PXDNL: variants seen among roughly 807,000 people sequenced by gnomAD.
PXDNL encodes the protein probable oxidoreductase PXDNL.
In PXDNL, 145 loss-of-function variants were observed where a neutral mutation model predicts 150.8. The observed-to-expected ratio is 0.96, with a 90% CI of 0.84 to 1.10. PXDNL has a LOEUF of 1.10. Among genes scored for constraint, PXDNL ranks in the 50% least tolerant of loss-of-function variants. The pLI is 0.00. For synonymous variants in PXDNL, 757 were observed against 725.7 expected, an observed-to-expected ratio of 1.04 and a Z score of -0.69; for missense variants, 2,087 against 1,873.9, an observed-to-expected ratio of 1.11 and a Z score of -2.10.
chr8:51,481,855 T>G (rs1698293518), intron 6 of PXDNL, among the ~76,000 whole-genome samples: 1 of 152,162 alleles, frequency 6.6e-6, no homozygotes, highest in Non-Finnish European at 1.5e-5. Flanking sequence ...TTTTACAGAA[T>G]GTATAGAAAT....
chr8:51,760,044 T>C (rs545066522), intron 1 of PXDNL, among the ~76,000 whole-genome samples: 6 of 152,314 alleles, frequency 3.9e-5, no homozygotes, highest in Admixed American at 3.3e-4. Flanking sequence ...CCCTAATAAT[T>C]AGCTCAGAAC....
chr8:51,451,612 T>C (rs1809809686), intron 10 of PXDNL, among the ~76,000 whole-genome samples: 1 of 152,230 alleles, frequency 6.6e-6, no homozygotes, highest in Admixed American at 6.5e-5. Context: ...TACCTATATG[T>C]CCACACTGTG....
intron 3 of PXDNL, among the ~76,000 whole-genome samples, chr8:51,573,564 C>T (rs563528714): frequency 2.0e-5 from 3 of 152,028 alleles, no homozygotes; most frequent in South Asian, 2.1e-4. Flanking sequence ...GTGGAGAGCC[C>T]GCACTCCCAA....
intron 5 of PXDNL, among the ~76,000 whole-genome samples, chr8:51,495,435 C>A (rs1465609510): frequency 2.0e-5 from 3 of 151,942 alleles, no homozygotes; most frequent in South Asian, 2.1e-4. Context: ...AAGATCAGAG[C>A]AGAATTGAAG....
At chr8:51,485,226 A>G (rs1810702231) in intron 5 of PXDNL, among the ~76,000 whole-genome samples, 3 of 152,152 alleles carry the variant, frequency 2.0e-5, no homozygotes, top group Non-Finnish European at 4.4e-5. Flanking sequence ...AATTTCACTG[A>G]TGCACATCTG....
intron 22 of PXDNL, 69 bp downstream of exon 22, chr8:51,320,715 T>TA (rs1805288996): frequency 1.8e-6 from 2 of 1,109,008 alleles, no homozygotes; most frequent in Admixed American, 3.9e-5. Flanking sequence ...TTTGAATTTT[T>TA]CAAGTATGCT....
rs202047093 is a variant in PXDNL, at chr8:51,551,106, G to T, written c.380+5734C>A. 3.4e-5 allele frequency among the ~76,000 whole-genome samples: 5 copies of T among 147,138 alleles called. No homozygotes were observed. The East Asian group carries it at 7.7e-4, about 23-fold the overall frequency. Reference sequence around the variant, plus strand: ...ACAAACAAACAAACAAAAACCTTACGAATATACCTAACCAAAGAGGTAAAA... The same window carrying T: ...ACAAACAAACAAACAAAAACCTTACTAATATACCTAACCAAAGAGGTAAAA... On this transcript the variant is annotated intron_variant, in intron 4 of 22. Coordinates refer to ENST00000356297, the MANE Select transcript of PXDNL (RefSeq NM_144651.5).
At chr8:51,486,794 A>ATATATT (rs1810773699) in intron 5 of PXDNL, among the ~76,000 whole-genome samples, 1 of 24,714 alleles carries the variant, frequency 4.0e-5, no homozygotes, top group African/African-American at 1.8e-4. Context: ...ATATATATAT[A>ATATATT]TTTTTTTTTT....
At chr8:51,746,547 T>C (rs1379956097) in intron 1 of PXDNL, among the ~76,000 whole-genome samples, 1 of 152,062 alleles carries the variant, frequency 6.6e-6, no homozygotes. Flanking sequence ...CATTGGTGAG[T>C]CTTGATTACC....
At chr8:51,630,439 C>A (rs898227035) in intron 2 of PXDNL, among the ~76,000 whole-genome samples, 8 of 151,958 alleles carry the variant, frequency 5.3e-5, no homozygotes, top group Non-Finnish European at 7.4e-5. Context: ...ACAAATGTGA[C>A]CTAATTAAAC....
At chr8:51,494,020 C>G (rs180983919) in intron 5 of PXDNL, among the ~76,000 whole-genome samples, 3 of 152,150 alleles carry the variant, frequency 2.0e-5, no homozygotes. Context: ...ATGTTAAGGG[C>G]AGCCAGAGAG....
chr8:51,391,812 C>G (rs1807919992), intron 17 of PXDNL, among the ~76,000 whole-genome samples: 1 of 151,998 alleles, frequency 6.6e-6, no homozygotes, highest in African/African-American at 2.4e-5. Context: ...AAGTCCTTGC[C>G]CATGCCTATG....
At chr8:51,406,133 G>A (rs1445353099) in intron 17 of PXDNL, among the ~76,000 whole-genome samples, 1 of 152,174 alleles carries the variant, frequency 6.6e-6, no homozygotes, top group African/African-American at 2.4e-5. Flanking sequence ...TTTGGGACAG[G>A]AAATTTGTAA....
intron 2 of PXDNL, among the ~76,000 whole-genome samples, chr8:51,593,168 A>T (rs1427066421): frequency 6.6e-6 from 1 of 152,192 alleles, no homozygotes; most frequent in African/African-American, 2.4e-5. Flanking sequence ...ATTACACCAT[A>T]GGAAGTGAGG....
intron 1 of PXDNL, among the ~76,000 whole-genome samples, chr8:51,796,463 T>C (rs563460374): frequency 2.0e-5 from 3 of 149,758 alleles, no homozygotes; most frequent in Admixed American, 6.6e-5. Context: ...AAAAATCAAA[T>C]AGACACAATA....
At chr8:51,565,341 G>GATAGATAGATAGATAA (rs1812803026) in intron 3 of PXDNL, among the ~76,000 whole-genome samples, 1 of 142,548 alleles carries the variant, frequency 7.0e-6, no homozygotes, top group South Asian at 2.2e-4. Flanking sequence ...TAGATAGATA[G>GATAGATAGATAGATAA]ATAAATAAAT....
chr8:51,447,346 C>G (rs994999894), intron 11 of PXDNL, among the ~76,000 whole-genome samples, 184 bp from the exon 12 acceptor site: 1 of 151,986 alleles, frequency 6.6e-6, no homozygotes, highest in African/African-American at 2.4e-5. Flanking sequence ...CGCTTGTCCC[C>G]GAAACTCTGC....
chr8:51,669,020 T>G (rs945652977), intron 1 of PXDNL, among the ~76,000 whole-genome samples: 1 of 152,178 alleles, frequency 6.6e-6, no homozygotes, highest in African/African-American at 2.4e-5. Flanking sequence ...AATAACACAG[T>G]AGCTTGCATA....
chr8:51,804,954 C>A (rs1282719716), intron 1 of PXDNL, among the ~76,000 whole-genome samples: 1 of 151,736 alleles, frequency 6.6e-6, no homozygotes, highest in Non-Finnish European at 1.5e-5. Flanking sequence ...TATGTCCATT[C>A]TCCTGCTTGG....
Sources: allele counts gnomAD v4.1 joint callset (sites outside exome capture counted in the v4.1 genomes callset), GRCh38; gene constraint gnomAD v4.1.1; transcripts MANE v1.5; gene names NCBI Gene and HGNC (gene_info 2026-07-23, HGNC 2026-07-21).